Variants in PTPRA observed in about 807,000 individuals in gnomAD.
PTPRA encodes the protein protein tyrosine phosphatase receptor type A.
A neutral mutation model predicts 104.8 loss-of-function variants in PTPRA; 25 were observed. The ratio of observed to expected loss-of-function variants is 0.24; its 90% confidence interval spans 0.17 to 0.33. The LOEUF is 0.33. Ranked by LOEUF, PTPRA falls within the 10% of genes least tolerant of loss-of-function variation. The probability of loss-of-function intolerance (pLI) is 1.00; values close to 1 mark genes in which losing one functional copy is unlikely to be tolerated. For missense variants in PTPRA, 765 were observed against 1,015.3 expected, an observed-to-expected ratio of 0.75 and a Z score of 3.35; for synonymous variants, 323 against 368.9, an observed-to-expected ratio of 0.88 and a Z score of 1.43.
At chr20:2,940,437 T>A (rs1228741179) in intron 2 of PTPRA, among the ~76,000 whole-genome samples, 1 of 152,096 alleles carries the variant, frequency 6.6e-6, no homozygotes, top group African/African-American at 2.4e-5. Context: ...ACTACAGGCA[T>A]ATACCCCCAT....
chr20:2,969,623 GGCGGGC>G (rs2062088973), intron 5 of PTPRA, among the ~76,000 whole-genome samples: 1 of 111,174 alleles, frequency 9.0e-6, no homozygotes, highest in Non-Finnish European at 1.8e-5. Context: ...GGGAGGCTGA[GGCGGGC>G]AGATCACGAG....
intron 1 of PTPRA, among the ~76,000 whole-genome samples, chr20:2,902,156 A>T (rs971429857): frequency 6.6e-6 from 1 of 152,064 alleles, no homozygotes; most frequent in Non-Finnish European, 1.5e-5. Context: ...AAGTGCAGGG[A>T]TTACAGGTGT....
chr20:2,913,658 G>T (rs532482006), intron 1 of PTPRA, among the ~76,000 whole-genome samples: 57 of 127,704 alleles, frequency 4.5e-4, no homozygotes, highest in Non-Finnish European at 8.1e-4. Context: ...CATAAATTGT[G>T]CTGTGTTCTT....
rs1408637052 is a variant in PTPRA at position 3,037,999 on chromosome 20, A to T, written c.2335-60A>T. On this transcript the variant is annotated intron_variant, in intron 23 of 23. Transcript: ENST00000399903. The surrounding 1 kb of genome is among the most constrained non-coding windows in gnomAD (Gnocchi z 4.3). ...CAACAAAAAAATGAGTCTGTTAGGA[A>T]TTACAGGTACTGTGTGTTCTTCAGT... The T allele has an allele frequency of 7.2e-7, 1 of 1,389,916 alleles. No individual in the cohort carries two copies. Among genetic ancestry groups the T allele is most frequent in the East Asian group, 2.3e-5 (1 of 43,438 alleles). 86.1% of individuals were successfully genotyped at this position (1,389,916 alleles called of 1,614,324 possible).
intron 1 of PTPRA, among the ~76,000 whole-genome samples, chr20:2,916,402 C>T (rs923738175): frequency 6.6e-6 from 1 of 152,122 alleles, no homozygotes; most frequent in African/African-American, 2.4e-5. Flanking sequence ...TGTGAATATC[C>T]AGTTGTCCCA....
intron 1 of PTPRA, among the ~76,000 whole-genome samples, chr20:2,914,614 C>G (rs944764998): frequency 6.6e-6 from 1 of 152,080 alleles, no homozygotes; most frequent in Admixed American, 6.6e-5. Context: ...TTACTATTTA[C>G]TTAATTGATC....
At chr20:2,879,544 G>C (rs1012407951) in intron 1 of PTPRA, among the ~76,000 whole-genome samples, 6 of 152,148 alleles carry the variant, frequency 3.9e-5, no homozygotes, top group African/African-American at 1.2e-4. Context: ...GGGGAACTTA[G>C]AAAAATCAGG....
At chr20:2,977,924 T>C (rs1568679161) in intron 6 of PTPRA, among the ~76,000 whole-genome samples, 1 of 152,008 alleles carries the variant, frequency 6.6e-6, no homozygotes, top group Non-Finnish European at 1.5e-5. Context: ...CTCAGAAGGC[T>C]CATTATATCT....
intron 1 of PTPRA, among the ~76,000 whole-genome samples, chr20:2,881,852 T>A (rs1334501764): frequency 6.6e-6 from 1 of 151,836 alleles, no homozygotes; most frequent in Non-Finnish European, 1.5e-5. Context: ...AACACAGAAA[T>A]TAGCCAGGTA....
At chr20:2,864,880 AC>A in the PTPRA span, 1 of 1,536,392 alleles carries the variant, frequency 6.5e-7, no homozygotes. This position sits in a 1 kb window ranked among gnomAD's most constrained non-coding sequence, Gnocchi z 5.2. Context: ...GACCCTGGCG[AC>A]CCTGGGCACA....
chr20:2,989,162 C>G (rs966505459), intron 9 of PTPRA, among the ~76,000 whole-genome samples: 1 of 152,196 alleles, frequency 6.6e-6, no homozygotes, highest in Non-Finnish European at 1.5e-5. Flanking sequence ...CTGGCCAGCA[C>G]GGTGACTCAC....
chr20:3,037,403 C>G lies in PTPRA; in HGVS notation c.2334+114C>G. On this transcript the variant is annotated intron_variant, in intron 23 of 23. Transcript: ENST00000399903. The surrounding 1 kb of genome is among the most constrained non-coding windows in gnomAD (Gnocchi z 4.3). The stretch of plus-strand genomic sequence containing the variant: ...GTCAGAAGACTGTCTAAACACAGAC[C>G]TGCCCTTGCCCTCCCAAGGTGCCCC... 6.8e-7 allele frequency: 1 copy of G among 1,478,924 alleles called. No homozygotes were observed. The highest frequency in any genetic ancestry group is 1.4e-5 in the African/African-American group (1 of 71,394). 91.6% of individuals were successfully genotyped at this position (1,478,924 alleles called of 1,614,324 possible).
intron 3 of PTPRA, among the ~76,000 whole-genome samples, chr20:2,958,845 A>C (rs1465952265): frequency 2.4e-5 from 3 of 126,580 alleles, no homozygotes; most frequent in Non-Finnish European, 4.9e-5. Context: ...AGACTGTATC[A>C]AAAAAAAAAA....
At chr20:2,890,601 T>C (rs2058756658) in intron 1 of PTPRA, among the ~76,000 whole-genome samples, 1 of 152,224 alleles carries the variant, frequency 6.6e-6, no homozygotes, top group Non-Finnish European at 1.5e-5. Flanking sequence ...TATCACAGAA[T>C]AACTTTTTAC....
rs536386719 is a variant in PTPRA, at chr20:3,011,644, G to A, written c.907-4205G>A. On this transcript the variant is annotated intron_variant, in intron 11 of 23. Coordinates refer to ENST00000399903, the MANE Select transcript of PTPRA (RefSeq NM_001385305.1). The stretch of plus-strand genomic sequence containing the variant: ...GTCTTAGGTTATAAGGTATAAGATG[G>A]GAAGTGGTGGGAAATGAGACTTGAT... 3.3e-5 allele frequency among the ~76,000 whole-genome samples: 5 copies of A among 152,332 alleles called. No individual in the cohort carries two copies. The South Asian group carries it at 1.0e-3, about 32-fold the overall frequency.
intron 5 of PTPRA, among the ~76,000 whole-genome samples, chr20:2,965,584 G>A (rs527578156): frequency 6.6e-6 from 1 of 152,332 alleles, no homozygotes; most frequent in South Asian, 2.1e-4. Context: ...CCATGGAAAG[G>A]AGAATGGGTA....
In PTPRA at chr20:2,931,308, C is replaced by T. The variant is rs75655999; in HGVS notation, c.-50+8023C>T. 7.5e-3 allele frequency among the ~76,000 whole-genome samples: 1,139 copies of T among 152,054 alleles called. 8 individuals are homozygous for T. Among genetic ancestry groups the T allele is most frequent in the South Asian group, 0.028 (134 of 4,816 alleles). Reference sequence around the variant, plus strand: ...AGAGAACCTGGGAAAAGAGACATTTCGAAAAAGTAGTATGTAAACTGGCAC... The same window carrying T: ...AGAGAACCTGGGAAAAGAGACATTTTGAAAAAGTAGTATGTAAACTGGCAC... On this transcript the variant is annotated intron_variant, in intron 2 of 23. Coordinates refer to ENST00000399903, the MANE Select transcript of PTPRA (RefSeq NM_001385305.1).
chr20:3,019,246 G>T (rs534581363), intron 13 of PTPRA, among the ~76,000 whole-genome samples: 2 of 147,788 alleles, frequency 1.4e-5, no homozygotes, highest in African/African-American at 5.0e-5. Context: ...CTGGCCGGGC[G>T]GGGGGCTGAC....
intron 10 of PTPRA, among the ~76,000 whole-genome samples, chr20:3,005,947 A>G (rs1311544111): frequency 6.6e-6 from 1 of 151,970 alleles, no homozygotes; most frequent in Non-Finnish European, 1.5e-5. Context: ...TGAGAGGAAG[A>G]TGTTTGAACC....
Sources: allele counts gnomAD v4.1 joint callset (sites outside exome capture counted in the v4.1 genomes callset), GRCh38; gene constraint gnomAD v4.1.1; non-coding constraint Gnocchi (gnomAD v3.1); transcripts MANE v1.5; gene names NCBI Gene and HGNC (gene_info 2026-07-23, HGNC 2026-07-21).